FER: variants seen among roughly 807,000 people sequenced by gnomAD.
FER encodes the protein FER tyrosine kinase.
In FER, 63 loss-of-function variants were observed where a neutral mutation model predicts 111.0. That is an observed-to-expected ratio of 0.57 (90% CI 0.46 to 0.70). The LOEUF (loss-of-function observed/expected upper bound fraction) is 0.70. Among genes scored for constraint, FER ranks in the 30% least tolerant of loss-of-function variants. FER has a pLI of 0.00. For missense variants in FER, 914 were observed against 954.0 expected (o/e 0.96, Z 0.55); for synonymous variants, 327 against 313.9 (o/e 1.04, Z -0.44).
intron 3 of FER, among the ~76,000 whole-genome samples, chr5:108,822,318 C>G (rs1286861173): frequency 6.6e-6 from 1 of 152,060 alleles, no homozygotes; most frequent in East Asian, 1.9e-4. Flanking sequence ...AATGCCTGTC[C>G]TAGTCCAAGT....
At chr5:108,799,818 A>G (rs1404222800) in intron 3 of FER, among the ~76,000 whole-genome samples, 1 of 148,056 alleles carries the variant, frequency 6.8e-6, no homozygotes, top group Non-Finnish European at 1.5e-5. Context: ...TTTCTGCTTC[A>G]TTTATCCCTC....
At chr5:108,838,008 G>C (rs1275680506) in intron 5 of FER, among the ~76,000 whole-genome samples, 1 of 151,896 alleles carries the variant, frequency 6.6e-6, no homozygotes, top group African/African-American at 2.4e-5. Flanking sequence ...TTTAAAATAA[G>C]TACTTTTATA....
intron 3 of FER, among the ~76,000 whole-genome samples, chr5:108,810,358 C>T (rs1479305617): frequency 3.3e-5 from 5 of 152,194 alleles, no homozygotes; most frequent in Admixed American, 1.3e-4. Flanking sequence ...TTGATTGATC[C>T]GTGTAGTGCA....
At chr5:109,176,518 G>A (rs1757710469) in intron 17 of FER, among the ~76,000 whole-genome samples, 1 of 152,114 alleles carries the variant, frequency 6.6e-6, no homozygotes, top group South Asian at 2.1e-4. Context: ...GATTGGGTTT[G>A]TAGATACCAA....
intron 16 of FER, among the ~76,000 whole-genome samples, chr5:109,049,586 T>C (rs1772464582): frequency 6.6e-6 from 1 of 152,198 alleles, no homozygotes; most frequent in Non-Finnish European, 1.5e-5. Context: ...TTTAAAATGC[T>C]AAATTAAAAC....
rs905715012 is a variant in FER, at chr5:109,000,687, A to T, written c.1657-36735A>T. Among the ~76,000 whole-genome samples, 70 of 152,234 alleles carry T rather than the reference A, an allele frequency of 4.6e-4. 2 individuals carry two copies. Among genetic ancestry groups the T allele is most frequent in the Admixed American group, 2.6e-4 (4 of 15,262 alleles). On this transcript the variant is annotated intron_variant, in intron 13 of 19. Transcript: ENST00000281092. ...ACTGAAGGAAATAGAGACACAAAAA[A>T]CCCTTCAAAAACTCAGTGAATCCAG...
chr5:108,993,136 T>C (rs1457813017), intron 13 of FER, among the ~76,000 whole-genome samples: 1 of 149,802 alleles, frequency 6.7e-6, no homozygotes, highest in African/African-American at 2.5e-5. Flanking sequence ...CCAGACGGGG[T>C]GGCGGCCGGG....
At chr5:108,771,143 C>A (rs1024499351) in intron 2 of FER, among the ~76,000 whole-genome samples, 4 of 151,902 alleles carry the variant, frequency 2.6e-5, no homozygotes, top group Admixed American at 2.6e-4. Context: ...ACCATGTTGG[C>A]CAAGCTGGTC....
chr5:108,940,013 A>G (rs1756042727), intron 10 of FER, among the ~76,000 whole-genome samples: 1 of 152,122 alleles, frequency 6.6e-6, no homozygotes, highest in African/African-American at 2.4e-5. Context: ...GTCCTCTGCA[A>G]CAAATACAAA....
intron 13 of FER, among the ~76,000 whole-genome samples, chr5:109,033,047 C>T (rs1160437054): frequency 1.3e-5 from 2 of 152,170 alleles, no homozygotes; most frequent in Admixed American, 6.5e-5. Context: ...TTAAATATAA[C>T]TCTGTCAACT....
chr5:108,916,506 G>T (rs1173056439), intron 10 of FER, among the ~76,000 whole-genome samples: 1 of 152,072 alleles, frequency 6.6e-6, no homozygotes, highest in African/African-American at 2.4e-5. Context: ...GGATCGGGAG[G>T]GGCCTGGATG....
intron 3 of FER, among the ~76,000 whole-genome samples, chr5:108,825,910 T>C (rs1468492714): frequency 6.6e-6 from 1 of 152,232 alleles, no homozygotes; most frequent in East Asian, 1.9e-4. Context: ...CTTTCTGATT[T>C]GGATTTTTAA....
intron 17 of FER, among the ~76,000 whole-genome samples, chr5:109,150,660 G>T (rs148150303): frequency 2.7e-3 from 418 of 152,166 alleles, no homozygotes; most frequent in African/African-American, 9.3e-3. Context: ...ATCTCTTTTT[G>T]GGTTCCAGGA....
chr5:108,895,540 C>T (rs1413891038), intron 9 of FER, among the ~76,000 whole-genome samples: 1 of 152,204 alleles, frequency 6.6e-6, no homozygotes, highest in African/African-American at 2.4e-5. Flanking sequence ...CCAAGTTACA[C>T]TGCCTTTTCT....
chr5:109,179,631 T>G (rs1414507012), intron 17 of FER, among the ~76,000 whole-genome samples: 1 of 152,174 alleles, frequency 6.6e-6, no homozygotes, highest in African/African-American at 2.4e-5. Context: ...TTTTTTAAAA[T>G]GGATAGTTGT....
At chr5:109,044,893 G>A (rs924942751) in intron 15 of FER, 98 bp downstream of exon 15, 1 of 647,882 alleles carries the variant, frequency 1.5e-6, no homozygotes, top group Non-Finnish European at 2.4e-6. Flanking sequence ...TACTGAAATA[G>A]TAGGGGTAAG....
chr5:109,046,854 T>G (rs1772057996), intron 15 of FER, among the ~76,000 whole-genome samples: 1 of 152,118 alleles, frequency 6.6e-6, no homozygotes, highest in South Asian at 2.1e-4. Flanking sequence ...ATTGCACCAT[T>G]TTGTGTAAGA....
intron 11 of FER, among the ~76,000 whole-genome samples, chr5:108,949,681 A>G (rs941440696): frequency 2.6e-5 from 4 of 152,214 alleles, no homozygotes; most frequent in Admixed American, 1.3e-4. Flanking sequence ...AAATGTTTAC[A>G]TTTACTGAAA....
At chr5:109,173,889 A>G (rs941007923) in intron 17 of FER, among the ~76,000 whole-genome samples, 3 of 152,034 alleles carry the variant, frequency 2.0e-5, no homozygotes, top group South Asian at 2.1e-4. Flanking sequence ...TCTCACAATA[A>G]ATATCTGTAG....
Sources: gnomAD v4.1 joint callset for allele counts (sites outside exome capture counted in the v4.1 genomes callset) on GRCh38, gnomAD v4.1.1 for gene constraint, MANE v1.5 for transcripts, NCBI Gene and HGNC (gene_info 2026-07-23, HGNC 2026-07-21) for gene names.